AOPEP: variants seen among roughly 807,000 people sequenced by gnomAD.
AOPEP encodes the protein aminopeptidase O (putative).
A neutral mutation model predicts 98.1 loss-of-function variants in AOPEP; 77 were observed. That is an observed-to-expected ratio of 0.78 (90% CI 0.65 to 0.95). The LOEUF (loss-of-function observed/expected upper bound fraction) is 0.95. Ranked by LOEUF, AOPEP falls within the 40% of genes least tolerant of loss-of-function variation. The probability of loss-of-function intolerance (pLI) is 0.00; values close to 1 mark genes in which losing one functional copy is unlikely to be tolerated. For missense variants in AOPEP, 1,024 were observed against 1,024.7 expected (o/e 1.00, Z 0.01); for synonymous variants, 346 against 365.3 (o/e 0.95, Z 0.60).
At chr9:94,901,602 C>G (rs2136242913) in intron 5 of AOPEP, among the ~76,000 whole-genome samples, 1 of 152,266 alleles carries the variant, frequency 6.6e-6, no homozygotes, top group African/African-American at 2.4e-5. Context: ...CTCGCATCTT[C>G]AACAACCTTC....
the AOPEP span, among the ~76,000 whole-genome samples, chr9:95,095,431 G>A: frequency 7.0e-3 from 1,063 of 152,298 alleles, 18 homozygotes; most frequent in African/African-American, 0.025. Context: ...CTGCCCGTGC[G>A]TTTCGAGCTG....
chr9:95,085,990 C>T, intron 16 of AOPEP: 1 of 1,363,518 alleles, frequency 7.3e-7, no homozygotes, highest in Non-Finnish European at 9.8e-7. Flanking sequence ...AGCTGAGGCG[C>T]TGCTTCTCCG....
intron 13 of AOPEP, among the ~76,000 whole-genome samples, chr9:95,056,878 A>C (rs1264826501): frequency 6.6e-6 from 1 of 152,162 alleles, no homozygotes; most frequent in African/African-American, 2.4e-5. Context: ...TCATTTCAGT[A>C]AGTTTCATAG....
At chr9:95,057,136 G>A (rs2066893815) in intron 13 of AOPEP, among the ~76,000 whole-genome samples, 1 of 152,218 alleles carries the variant, frequency 6.6e-6, no homozygotes, top group Non-Finnish European at 1.5e-5. Flanking sequence ...ACTGTCTGAA[G>A]GAGCTGCTTT....
chr9:94,777,326 G>A (rs931658942), intron 3 of AOPEP, among the ~76,000 whole-genome samples: 3 of 151,962 alleles, frequency 2.0e-5, no homozygotes, highest in Non-Finnish European at 4.4e-5. Flanking sequence ...CAGCTACTCC[G>A]GAGGCTGAGG....
At chr9:94,767,472 C>T (rs1839884774) in intron 2 of AOPEP, among the ~76,000 whole-genome samples, 1 of 152,204 alleles carries the variant, frequency 6.6e-6, no homozygotes, top group African/African-American at 2.4e-5. Flanking sequence ...ATAGTGTGTT[C>T]AAAAGAACCT....
intron 13 of AOPEP, among the ~76,000 whole-genome samples, chr9:95,029,842 C>T (rs1374787980): frequency 6.6e-6 from 1 of 152,006 alleles, no homozygotes; most frequent in Non-Finnish European, 1.5e-5. Flanking sequence ...AGTGCTTGTC[C>T]TGGGAGATGG....
At chr9:94,827,496 T>G (rs945078761) in intron 5 of AOPEP, among the ~76,000 whole-genome samples, 4 of 152,212 alleles carry the variant, frequency 2.6e-5, no homozygotes, top group African/African-American at 9.6e-5. Context: ...GAATGTTCCA[T>G]ATTTGGTTTC....
the AOPEP span, among the ~76,000 whole-genome samples, chr9:95,142,138 A>G: frequency 3.3e-5 from 5 of 151,606 alleles, no homozygotes; most frequent in Non-Finnish European, 7.4e-5. Context: ...GACTACAGGC[A>G]CCTGCCATCA....
intron 13 of AOPEP, among the ~76,000 whole-genome samples, chr9:95,016,897 G>A (rs565320023): frequency 1.5e-4 from 23 of 151,656 alleles, no homozygotes; most frequent in African/African-American, 5.6e-4. Context: ...CACCACTCCC[G>A]ACCCTGGCAT....
chr9:94,792,659 T>G, intron 3 of AOPEP, 106 bp from the exon 4 acceptor site: 1 of 1,139,824 alleles, frequency 8.8e-7, no homozygotes, highest in Non-Finnish European at 1.2e-6. Context: ...AGTTGGCTCT[T>G]ACCAGCTTAT....
chr9:95,005,458 C>CG (rs1369558161), intron 12 of AOPEP, 84 bp from the exon 13 acceptor site: 2 of 1,337,376 alleles, frequency 1.5e-6, no homozygotes, highest in African/African-American at 1.4e-5. Flanking sequence ...GTCGCGAGGC[C>CG]GGGGGTCTCT....
the AOPEP span, chr9:95,125,006 A>G: frequency 8.2e-7 from 1 of 1,223,500 alleles, no homozygotes; most frequent in African/African-American, 1.5e-5. Flanking sequence ...ATTATTGAAA[A>G]TAAAGTGCTC....
At chr9:94,933,359 T>A in intron 7 of AOPEP, 1 of 985,428 alleles carries the variant, frequency 1.0e-6, no homozygotes. Flanking sequence ...TCAGAAGAAA[T>A]CTGTTGTTTT....
At chr9:95,001,321 C>T (rs1220995643) in intron 11 of AOPEP, among the ~76,000 whole-genome samples, 2 of 152,190 alleles carry the variant, frequency 1.3e-5, no homozygotes, top group South Asian at 4.1e-4. Context: ...TTATGAACTG[C>T]TTTGACAAAA....
chr9:94,922,690 C>T lies in AOPEP; in HGVS notation c.1365-1296C>T, dbSNP rs141051156. On this transcript the variant is annotated intron_variant, in intron 5 of 16. Coordinates refer to ENST00000375315, the MANE Select transcript of AOPEP (RefSeq NM_001193329.3). ...ACAATACTGTTGGTGCCTGTTGCAT[C>T]GCACCCCTTTATCCTGAGTGCCCCA... Among the ~76,000 whole-genome samples, 8 of 152,128 alleles carry T rather than the reference C, an allele frequency of 5.3e-5. No individual in the cohort carries two copies. The East Asian group carries it at 5.8e-4, about 11-fold the overall frequency.
the AOPEP span, among the ~76,000 whole-genome samples, chr9:95,105,922 CT>C: frequency 6.6e-6 from 1 of 152,250 alleles, no homozygotes; most frequent in South Asian, 2.1e-4. Context: ...GAGAATAGTG[CT>C]GCCCTGAGCA....
rs2066043803 is a variant in AOPEP, at chr9:95,048,505, G to A, written c.2116-12189G>A. On this transcript the variant is annotated intron_variant, in intron 13 of 16. Transcript: ENST00000375315. ...GTGCCGGCGGCCGAGATACTCACGG[G>A]CGCGGGACCTGGCCGGGAGACTGAC... 2.0e-5 allele frequency among the ~76,000 whole-genome samples: 3 copies of A among 152,114 alleles called. No homozygotes were observed. The South Asian group carries it at 6.2e-4, about 31-fold the overall frequency.
At chr9:94,825,109 G>C (rs1215327957) in intron 5 of AOPEP, among the ~76,000 whole-genome samples, 1 of 152,116 alleles carries the variant, frequency 6.6e-6, no homozygotes, top group African/African-American at 2.4e-5. Flanking sequence ...AGCAGATTGG[G>C]GAGGGAGGAG....
Sources: allele counts gnomAD v4.1 joint callset (sites outside exome capture counted in the v4.1 genomes callset), GRCh38; gene constraint gnomAD v4.1.1; transcripts MANE v1.5; gene names NCBI Gene and HGNC (gene_info 2026-07-23, HGNC 2026-07-21).